Variants in CWF19L2 observed in about 807,000 individuals in gnomAD.
CWF19L2 encodes the protein CWF19 like cell cycle control factor 2.
CWF19L2 carries 98 observed loss-of-function variants against 111.7 expected under a neutral mutation model. The ratio of observed to expected loss-of-function variants is 0.88; its 90% CI spans 0.75 to 1.04. The LOEUF (loss-of-function observed/expected upper bound fraction) is 1.04. Ranked by LOEUF, CWF19L2 falls within the 50% of genes least tolerant of loss-of-function variation. The pLI is 0.00. For synonymous variants in CWF19L2, 351 were observed against 342.9 expected (o/e 1.02, Z -0.26); for missense variants, 1,101 against 1,051.4 (o/e 1.05, Z -0.65).
chr11:107,388,270 T>C (rs1349325923), intron 12 of CWF19L2, among the ~76,000 whole-genome samples: 3 of 152,246 alleles, frequency 2.0e-5, no homozygotes, highest in Non-Finnish European at 4.4e-5. Flanking sequence ...ACTAGAAATA[T>C]AAGCGCCTGA....
At chr11:107,454,898 C>CA (rs1448184181) in intron 2 of CWF19L2, among the ~76,000 whole-genome samples, 1 of 152,076 alleles carries the variant, frequency 6.6e-6, no homozygotes, top group Non-Finnish European at 1.5e-5. Flanking sequence ...TCTATACACA[C>CA]ACAAACACAC....
intron 12 of CWF19L2, among the ~76,000 whole-genome samples, chr11:107,388,128 G>C (rs542041): frequency 0.52 from 78,731 of 151,910 alleles, 20,990 homozygotes; most frequent in African/African-American, 0.66. Flanking sequence ...TATATGGAAA[G>C]ACTTTCCCTC....
intron 1 of CWF19L2, 56 bp from the exon 2 acceptor site, chr11:107,455,832 A>C: frequency 1.0e-6 from 1 of 1,001,366 alleles, no homozygotes; most frequent in South Asian, 1.5e-5. Flanking sequence ...TGGGTTTCAC[A>C]AAAAAAGGAA....
chr11:107,337,643 G>A (rs1014824765), intron 14 of CWF19L2, among the ~76,000 whole-genome samples: 7 of 152,068 alleles, frequency 4.6e-5, no homozygotes, highest in Non-Finnish European at 7.4e-5. Context: ...GGATGAGCGC[G>A]GTGGCTCATG....
intron 8 of CWF19L2, among the ~76,000 whole-genome samples, chr11:107,425,179 A>AACACACAC (rs138792527): frequency 0.024 from 3,506 of 144,888 alleles, 75 homozygotes; most frequent in African/African-American, 0.056. Context: ...CTCTCTTTGA[A>AACACACAC]ACACACACAC....
Position 107,386,339 on chromosome 11 carries a change from C to G in CWF19L2, c.1872+3735G>C, listed in dbSNP as rs115249062. 8.1e-3 allele frequency among the ~76,000 whole-genome samples: 1,228 copies of G among 152,236 alleles called. 16 individuals carry two copies. Among genetic ancestry groups the G allele is most frequent in the African/African-American group, 0.028 (1,163 of 41,544 alleles). ...ATTTTTCTACTACCAAATTTAAGAA[C>G]CTACCTACATCTGTATACTAATACT... On this transcript the variant is annotated intron_variant, in intron 12 of 17. Coordinates refer to ENST00000282251, the MANE Select transcript of CWF19L2 (RefSeq NM_152434.3).
chr11:107,401,176 C>T (rs952741863), intron 10 of CWF19L2, among the ~76,000 whole-genome samples: 1 of 152,160 alleles, frequency 6.6e-6, no homozygotes, highest in Non-Finnish European at 1.5e-5. Context: ...TGCTCACTCT[C>T]ACCACTCCTC....
rs1860307505 is a variant in CWF19L2, at chr11:107,360,349, G to C, written c.1873-6613C>G. Among the ~76,000 whole-genome samples the C allele has an allele frequency of 2.6e-5, 4 of 152,172 alleles. No individual in the cohort carries two copies. In the South Asian group the frequency reaches 8.3e-4, roughly 31 times the overall value. Reference sequence around the variant, plus strand: ...TCTTATGGGTGAATAGTATTCCATTGTGTATATATACCACACTTTGTTTAT... The same window carrying C: ...TCTTATGGGTGAATAGTATTCCATTCTGTATATATACCACACTTTGTTTAT... On this transcript the variant is annotated intron_variant, in intron 12 of 17. Coordinates refer to ENST00000282251, the MANE Select transcript of CWF19L2 (RefSeq NM_152434.3).
intron 3 of CWF19L2, among the ~76,000 whole-genome samples, chr11:107,447,125 T>C (rs1032332875): frequency 6.6e-6 from 1 of 152,124 alleles, no homozygotes; most frequent in African/African-American, 2.4e-5. Flanking sequence ...AAACTAGAAA[T>C]ACATACAAAT....
chr11:107,447,409 T>C (rs1396047855), intron 3 of CWF19L2, among the ~76,000 whole-genome samples: 1 of 151,720 alleles, frequency 6.6e-6, no homozygotes, highest in Non-Finnish European at 1.5e-5. Flanking sequence ...CAAAGAAAAA[T>C]TACCATGGAG....
intron 17 of CWF19L2, among the ~76,000 whole-genome samples, chr11:107,329,275 C>A (rs967628540): frequency 1.3e-5 from 2 of 152,132 alleles, no homozygotes; most frequent in Non-Finnish European, 2.9e-5. Context: ...AAAGATTATA[C>A]CCCACAGAAT....
At position 107,428,982 on chromosome 11, in the gene CWF19L2, G is replaced by A. The variant is rs937389460; in HGVS notation, c.1250C>T (p.Thr417Ile). 5 of 1,613,498 alleles carry A rather than the reference G, an allele frequency of 3.1e-6. No individual in the cohort carries two copies. The Admixed American group carries it at 5.0e-5, about 16-fold the overall frequency. The change falls in exon 8 of 18, where the codon ACA (threonine) becomes ATA (isoleucine). Residue 417 changes from threonine to isoleucine, a missense_variant. Coordinates refer to ENST00000282251, the MANE Select transcript of CWF19L2 (RefSeq NM_152434.3). ...TCTCCCATCAGAGCGACTCCATGATGTTAATCTTTCTTCACTGTTCTTGGT... is the reference window on the plus strand; with the variant it reads ...TCTCCCATCAGAGCGACTCCATGATATTAATCTTTCTTCACTGTTCTTGGT... ...KPTKNSEERL[T>I]SWSRSDGRGD...
intron 12 of CWF19L2, among the ~76,000 whole-genome samples, chr11:107,360,456 G>T (rs1013653709): frequency 3.9e-5 from 6 of 152,100 alleles, no homozygotes; most frequent in African/African-American, 1.4e-4. Flanking sequence ...ACAAGTGGGG[G>T]TATTTTTTAT....
intron 2 of CWF19L2, among the ~76,000 whole-genome samples, chr11:107,455,133 A>T (rs746231818): frequency 6.6e-6 from 1 of 152,144 alleles, no homozygotes; most frequent in Admixed American, 6.6e-5. Context: ...ATAAGGTATT[A>T]TCTATTTCAA....
At position 107,371,931 on chromosome 11, in the gene CWF19L2, T is replaced by C. The variant is rs1310586287; in HGVS notation, c.1872+18143A>G. Among the ~76,000 whole-genome samples, 6 of 137,718 alleles carry C rather than the reference T, an allele frequency of 4.4e-5. 2 individuals are homozygous for C. Among genetic ancestry groups the C allele is most frequent in the Non-Finnish European group, 6.2e-5 (4 of 64,366 alleles). 90.3% of individuals were successfully genotyped at this position (137,718 alleles called of 152,430 possible). A position where few individuals can be genotyped will look rare whatever the true frequency, so the allele number is the denominator to read the frequency against. On this transcript the variant is annotated intron_variant, in intron 12 of 17. Coordinates refer to ENST00000282251, the MANE Select transcript of CWF19L2 (RefSeq NM_152434.3). The stretch of plus-strand genomic sequence containing the variant: ...ACATCATTTTATTCATCATCCTTTT[T>C]TGTGCTTGTTTTTTAAATATTATTG...
chr11:107,367,326 G>C (rs1339997000), intron 12 of CWF19L2, among the ~76,000 whole-genome samples: 1 of 132,318 alleles, frequency 7.6e-6, no homozygotes, highest in South Asian at 2.6e-4. Context: ...CCCATTACTG[G>C]GTATATACCC....
chr11:107,327,073 GCA>G lies in CWF19L2; in HGVS notation c.2542-22_2542-21del, dbSNP rs1383610772. 4 of 1,573,008 alleles carry G rather than the reference GCA, an allele frequency of 2.5e-6. No individual in the cohort carries two copies. The highest frequency in any genetic ancestry group is 3.4e-6 in the Non-Finnish European group (4 of 1,164,232). ...GATTTCCTTTTAAAGAAAGAGAAAAGCACAAACACAAGCATGTATAAATAATG... is the reference window on the plus strand; with the variant it reads ...GATTTCCTTTTAAAGAAAGAGAAAAGCAAACACAAGCATGTATAAATAATG... On this transcript the variant is annotated intron_variant, in intron 17 of 17. Transcript: ENST00000282251.
chr11:107,346,782 G>A (rs114623203), intron 14 of CWF19L2, among the ~76,000 whole-genome samples: 5 of 152,160 alleles, frequency 3.3e-5, no homozygotes, highest in Non-Finnish European at 5.9e-5. Context: ...CTTAATGTCC[G>A]TACATGTTCA....
At chr11:107,447,131 C>A (rs548108700) in intron 3 of CWF19L2, among the ~76,000 whole-genome samples, 1 of 152,262 alleles carries the variant, frequency 6.6e-6, no homozygotes, top group South Asian at 2.1e-4. Context: ...GAAATACATA[C>A]AAATTGGAAT....
Sources: gnomAD v4.1 joint callset for allele counts (sites outside exome capture counted in the v4.1 genomes callset) on GRCh38, gnomAD v4.1.1 for gene constraint, MANE v1.5 for transcripts, NCBI Gene and HGNC (gene_info 2026-07-23, HGNC 2026-07-21) for gene names.